Variants in TMEM179 observed in about 807,000 individuals in gnomAD.
The protein encoded by TMEM179 is transmembrane protein 179A.
Under a neutral mutation model 22.2 loss-of-function variants are expected in TMEM179, and 17 were observed. That is an observed-to-expected ratio of 0.77 (90% CI 0.52 to 1.15). The LOEUF is 1.15. Among genes scored for constraint, TMEM179 ranks in the 50% most tolerant of loss-of-function variants. The probability of loss-of-function intolerance (pLI) is 0.00; values close to 1 mark genes in which losing one functional copy is unlikely to be tolerated. For synonymous variants in TMEM179, 127 were observed against 140.5 expected (o/e 0.90, Z 0.68); for missense variants, 265 against 313.6 (o/e 0.84, Z 1.17).
At position 104,595,677 on chromosome 14, in the gene TMEM179, G is replaced by A. The variant is rs1027750164; in HGVS notation, c.444-434C>T. Among the ~76,000 whole-genome samples the A allele has an allele frequency of 6.6e-6, 1 of 152,236 alleles. No homozygotes were observed. The highest frequency in any genetic ancestry group is 1.5e-5 in the Non-Finnish European group (1 of 68,044). On this transcript the variant is annotated intron_variant, in intron 2 of 3. Transcript: ENST00000556573. This position sits in a 1 kb window ranked among gnomAD's most constrained non-coding sequence, Gnocchi z 5.7. ...CTCTGAGGGTCACAGGGTCTCAGAG[G>A]CAGGAGATGCAGGGCTGCCTCAGCC...
At chr14:104,596,933 T>G in intron 2 of TMEM179, 57 bp downstream of exon 2, 1 of 1,571,566 alleles carries the variant, frequency 6.4e-7, no homozygotes. Flanking sequence ...CAGGGCAGGG[T>G]GTCAAGGGAT....
intron 3 of TMEM179, chr14:104,594,903 C>T: frequency 7.5e-7 from 1 of 1,339,778 alleles, no homozygotes; most frequent in Non-Finnish European, 9.6e-7. Context: ...CTTCCCACCC[C>T]AGACCCCAGG....
intron 1 of TMEM179, among the ~76,000 whole-genome samples, chr14:104,601,441 A>G (rs1002656485): frequency 1.3e-5 from 2 of 152,306 alleles, no homozygotes; most frequent in Admixed American, 1.3e-4. Context: ...GGCTTCACCC[A>G]GCTGTGGGTC....
intron 1 of TMEM179, among the ~76,000 whole-genome samples, chr14:104,603,550 AGGGGGTGGGT>A: frequency 1.2e-4 from 1 of 8,612 alleles, no homozygotes. Flanking sequence ...GGGCTCACAG[AGGGGGTGGGT>A]GGGCTCACAG....
chr14:104,600,324 G>T (rs1260623429), intron 1 of TMEM179, among the ~76,000 whole-genome samples: 5 of 152,224 alleles, frequency 3.3e-5, no homozygotes, highest in Non-Finnish European at 5.9e-5. Flanking sequence ...GCCGCTCAGG[G>T]TGCCCTGCCA....
intron 1 of TMEM179, among the ~76,000 whole-genome samples, chr14:104,600,664 T>C (rs566666638): frequency 6.6e-6 from 1 of 152,338 alleles, no homozygotes; most frequent in East Asian, 1.9e-4. Flanking sequence ...CAGCCAATAA[T>C]GGAGCATCAA....
At position 104,604,144 on chromosome 14, in the gene TMEM179, T is replaced by C. The variant is rs905367361; in HGVS notation, c.305+293A>G. Among the ~76,000 whole-genome samples the C allele has an allele frequency of 1.3e-5, 2 of 152,142 alleles. No individual in the cohort carries two copies. Among genetic ancestry groups the C allele is most frequent in the African/African-American group, 4.8e-5 (2 of 41,426 alleles). On this transcript the variant is annotated intron_variant, in intron 1 of 3. Transcript: ENST00000556573. This position sits in a 1 kb window ranked among gnomAD's most constrained non-coding sequence, Gnocchi z 4.6. ...AGGAAGGTCCAGGCCTGCTGGGTGA[T>C]GACAGTGCAACATCTGCAACCCAAG...
Position 104,592,400 on chromosome 14 carries a change from CCACATGCACA to C in TMEM179, c.*1069_*1078del, listed in dbSNP as rs1459812477. The C allele has an allele frequency of 6.5e-6, 1 of 154,120 alleles. No individual in the cohort carries two copies. The highest frequency in any genetic ancestry group is 1.4e-5 in the Non-Finnish European group (1 of 68,978). 9.5% of individuals were successfully genotyped at this position (154,120 alleles called of 1,614,324 possible). A position where few individuals can be genotyped will look rare whatever the true frequency, so the allele number is the denominator to read the frequency against. ...GTCACACCCTCACATGCAGTCACAC[CCACATGCACA>C]CTCATGCACAATCACATCCTCCCAG... On this transcript the variant is annotated 3_prime_UTR_variant, in exon 4 of 4. Coordinates refer to ENST00000556573, the MANE Select transcript of TMEM179 (RefSeq NM_001286389.2).
In TMEM179 at chr14:104,591,484, G is replaced by A. The variant is rs1287325204; in HGVS notation, c.*1995C>T. The A allele has an allele frequency of 2.2e-6, 1 of 451,568 alleles. No individual in the cohort carries two copies. Among genetic ancestry groups the A allele is most frequent in the Admixed American group, 2.4e-5 (1 of 41,894 alleles). The allele number at this position is 451,568 out of a possible 1,614,324, so 28.0% of individuals were successfully genotyped here. On this transcript the variant is annotated 3_prime_UTR_variant, in exon 4 of 4. Coordinates refer to ENST00000556573, the MANE Select transcript of TMEM179 (RefSeq NM_001286389.2). ...GAGACAGGGGACCCCATCAGCTTAGGGGGCCTCGGATTCTGTCCAAACCCC... is the reference window on the plus strand; with the variant it reads ...GAGACAGGGGACCCCATCAGCTTAGAGGGCCTCGGATTCTGTCCAAACCCC...
At position 104,595,942 on chromosome 14, in the gene TMEM179, CAG is replaced by C. The variant is rs764772287; in HGVS notation, c.444-701_444-700del. On this transcript the variant is annotated intron_variant, in intron 2 of 3. Coordinates refer to ENST00000556573, the MANE Select transcript of TMEM179 (RefSeq NM_001286389.2). This position sits in a 1 kb window ranked among gnomAD's most constrained non-coding sequence, Gnocchi z 5.7. ...CCTGGAGGGGCTGAAGGGCTGGAAA[CAG>C]TGTCTGTGAGGCCAAGGAAACTTTG... 1.3e-5 allele frequency among the ~76,000 whole-genome samples: 2 copies of C among 152,264 alleles called. No individual in the cohort carries two copies. The highest frequency in any genetic ancestry group is 4.8e-5 in the African/African-American group (2 of 41,468).
intron 1 of TMEM179, among the ~76,000 whole-genome samples, chr14:104,601,667 G>A (rs1195345364): frequency 6.6e-6 from 1 of 152,238 alleles, no homozygotes. Context: ...TGGTCAAGAA[G>A]GACACAGGCA....
chr14:104,592,541 TGC>T lies in TMEM179; in HGVS notation c.*936_*937del, dbSNP rs1886883085. The stretch of plus-strand genomic sequence containing the variant: ...ACTCATGCACACTCATATCCTCCCA[TGC>T]AGTCACACACTCTCACATGCAGTCA... On this transcript the variant is annotated 3_prime_UTR_variant, in exon 4 of 4. Transcript: ENST00000556573. The T allele has an allele frequency of 1.3e-5, 2 of 152,488 alleles. No individual in the cohort carries two copies. The highest frequency in any genetic ancestry group is 3.6e-4 in the South Asian group (2 of 5,506). The allele number at this position is 152,488 out of a possible 1,614,324, so 9.4% of individuals were successfully genotyped here.
At position 104,598,019 on chromosome 14, in the gene TMEM179, C is replaced by T. The variant is rs922540048; in HGVS notation, c.306-892G>A. Among the ~76,000 whole-genome samples the T allele has an allele frequency of 1.5e-3, 231 of 152,344 alleles. 1 individual carries two copies. Among genetic ancestry groups the T allele is most frequent in the African/African-American group, 5.2e-3 (218 of 41,578 alleles). On this transcript the variant is annotated intron_variant, in intron 1 of 3. Coordinates refer to ENST00000556573, the MANE Select transcript of TMEM179 (RefSeq NM_001286389.2). Reference sequence around the variant, plus strand: ...TCTGAGGCCTCTGCCAGGGCGCACACGGCCATGGCTTTCAGAGGATGCTCG... The same window carrying T: ...TCTGAGGCCTCTGCCAGGGCGCACATGGCCATGGCTTTCAGAGGATGCTCG...
At chr14:104,594,646 G>A in intron 3 of TMEM179, 3 of 1,221,188 alleles carry the variant, frequency 2.5e-6, no homozygotes, top group Non-Finnish European at 3.1e-6. Context: ...CTCCTAGGGG[G>A]CGGGGGACGC....
At chr14:104,596,087 G>A (rs910567621) in intron 2 of TMEM179, among the ~76,000 whole-genome samples, 1 of 152,238 alleles carries the variant, frequency 6.6e-6, no homozygotes, top group Non-Finnish European at 1.5e-5. Flanking sequence ...GCCCTGCAGG[G>A]CCACACACCC....
rs3809461 is a variant in TMEM179, at chr14:104,592,161, A to C, written c.*1318T>G. The C allele has an allele frequency of 6.4e-6, 1 of 155,252 alleles. No homozygotes were observed. Among genetic ancestry groups the C allele is most frequent in the African/African-American group, 2.4e-5 (1 of 41,526 alleles). The allele number at this position is 155,252 out of a possible 1,614,324, so 9.6% of individuals were successfully genotyped here. A position where few individuals can be genotyped will look rare whatever the true frequency, so the allele number is the denominator to read the frequency against. On this transcript the variant is annotated 3_prime_UTR_variant, in exon 4 of 4. Coordinates refer to ENST00000556573, the MANE Select transcript of TMEM179 (RefSeq NM_001286389.2). ...CTCCCATCACGCACACAATGCTCACACGCACAGGCGTGCACATGCTCACAT... is the reference window on the plus strand; with the variant it reads ...CTCCCATCACGCACACAATGCTCACCCGCACAGGCGTGCACATGCTCACAT...
In TMEM179 at chr14:104,593,094, C is replaced by A. The variant is rs1180067829; in HGVS notation, c.*385G>T. 6 of 270,504 alleles carry A rather than the reference C, an allele frequency of 2.2e-5. No individual in the cohort carries two copies. Among genetic ancestry groups the A allele is most frequent in the African/African-American group, 8.8e-5 (4 of 45,256 alleles). The allele number at this position is 270,504 out of a possible 1,614,324, so 16.8% of individuals were successfully genotyped here. A position where few individuals can be genotyped will look rare whatever the true frequency, so the allele number is the denominator to read the frequency against. ...TTCAGGGCTAAGTGACATCTGGCCA[C>A]CCCTGGGCCAGCTGGCATGGAGACA... On this transcript the variant is annotated 3_prime_UTR_variant, in exon 4 of 4. Transcript: ENST00000556573.
Position 104,592,196 on chromosome 14 carries a change from G to A in TMEM179, c.*1283C>T, listed in dbSNP as rs112131498. ...GTGCACATGCTCACATGCAACACACGCACATTCACATGCACTTACGCACAT... is the reference window on the plus strand; with the variant it reads ...GTGCACATGCTCACATGCAACACACACACATTCACATGCACTTACGCACAT... On this transcript the variant is annotated 3_prime_UTR_variant, in exon 4 of 4. Transcript: ENST00000556573. 2,628 of 154,230 alleles carry A rather than the reference G, an allele frequency of 0.017. 68 individuals carry two copies. The highest frequency in any genetic ancestry group is 0.056 in the African/African-American group (2,306 of 41,506). The allele number at this position is 154,230 out of a possible 1,614,324, so 9.6% of individuals were successfully genotyped here.
In TMEM179 at chr14:104,604,771, A is replaced by G. The variant is rs1887370975; in HGVS notation, c.-30T>C. ...GGCCCGGGCGAGAGCGGCGGCGGGA[A>G]GGCCGCGGGAGGCTGCGCCGGGCGG... On this transcript the variant is annotated 5_prime_UTR_variant, in exon 1 of 4. Transcript: ENST00000556573. The surrounding 1 kb of genome is among the most constrained non-coding windows in gnomAD (Gnocchi z 4.6). The G allele has an allele frequency of 1.4e-6, 2 of 1,432,650 alleles. No individual in the cohort carries two copies. Among genetic ancestry groups the G allele is most frequent in the Non-Finnish European group, 1.8e-6 (2 of 1,099,718 alleles). The allele number at this position is 1,432,650 out of a possible 1,614,324, so 88.7% of individuals were successfully genotyped here. A position where few individuals can be genotyped will look rare whatever the true frequency, so the allele number is the denominator to read the frequency against.
Sources: gnomAD v4.1 joint callset for allele counts (sites outside exome capture counted in the v4.1 genomes callset) on GRCh38, gnomAD v4.1.1 for gene constraint, Gnocchi (gnomAD v3.1) non-coding constraint, MANE v1.5 for transcripts, NCBI Gene and HGNC (gene_info 2026-07-23, HGNC 2026-07-21) for gene names.